ROBO2: variants seen among roughly 807,000 people sequenced by gnomAD.
ROBO2 encodes the protein roundabout homolog 2.
Under a neutral mutation model 160.8 loss-of-function variants are expected in ROBO2, and 53 were observed. The ratio of observed to expected loss-of-function variants is 0.33; its 90% CI spans 0.26 to 0.41. The LOEUF (loss-of-function observed/expected upper bound fraction) is 0.41. Among genes scored for constraint, ROBO2 ranks in the 10% least tolerant of loss-of-function variants. ROBO2 has a pLI of 1.00. For missense variants in ROBO2, 1,577 were observed against 1,722.4 expected (o/e 0.92, Z 1.49); for synonymous variants, 664 against 611.7 (o/e 1.09, Z -1.26).
At chr3:76,240,387 A>G (rs542198472) in intron 2 of ROBO2, among the ~76,000 whole-genome samples, 15 of 151,658 alleles carry the variant, frequency 9.9e-5, no homozygotes, top group African/African-American at 3.1e-4. Context: ...GTGTTTGGCT[A>G]TACTTTCAAA....
At chr3:76,625,258 T>G (rs1376540791) in intron 2 of ROBO2, among the ~76,000 whole-genome samples, 3 of 10,794 alleles carry the variant, frequency 2.8e-4, no homozygotes, top group African/African-American at 5.0e-4. Flanking sequence ...AAACCACGGC[T>G]TTTTTTCATT....
At chr3:77,539,744 C>A (rs941161487) in intron 6 of ROBO2, among the ~76,000 whole-genome samples, 3 of 152,044 alleles carry the variant, frequency 2.0e-5, no homozygotes, top group Non-Finnish European at 4.4e-5. Context: ...GTAAAATCTT[C>A]AAACTGAACT....
chr3:77,529,079 G>A (rs1047721072), intron 6 of ROBO2, among the ~76,000 whole-genome samples: 1 of 151,216 alleles, frequency 6.6e-6, no homozygotes, highest in African/African-American at 2.4e-5. Context: ...TAGTTTTCAG[G>A]TTCAGAAATT....
chr3:77,411,965 C>T (rs929277951), intron 2 of ROBO2, among the ~76,000 whole-genome samples: 1 of 152,112 alleles, frequency 6.6e-6, no homozygotes, highest in Non-Finnish European at 1.5e-5. Flanking sequence ...TTTAAATTTC[C>T]ATTTTAGTGC....
chr3:76,434,244 G>A, intron 2 of ROBO2: 3 of 1,011,912 alleles, frequency 3.0e-6, no homozygotes, highest in Non-Finnish European at 4.8e-6. Context: ...TTTGACGTTG[G>A]AGCGAGCGCT....
intron 2 of ROBO2, among the ~76,000 whole-genome samples, chr3:76,228,559 A>G (rs1282304508): frequency 6.6e-6 from 1 of 152,192 alleles, no homozygotes; most frequent in African/African-American, 2.4e-5. Flanking sequence ...GAATGAATTC[A>G]TATTCATAAA....
intron 2 of ROBO2, among the ~76,000 whole-genome samples, chr3:76,965,781 TTG>T (rs1360013353): frequency 2.4e-5 from 2 of 84,096 alleles, no homozygotes; most frequent in Admixed American, 1.3e-4. Flanking sequence ...TTTATTGTGT[TTG>T]TGTATATATA....
chr3:77,635,070 TC>T, intron 24 of ROBO2, 27 bp downstream of exon 25: 1 of 1,611,684 alleles, frequency 6.2e-7, no homozygotes, highest in Non-Finnish European at 8.5e-7. Flanking sequence ...TACTCTTGTT[TC>T]CTCGCTGAAG....
intron 2 of ROBO2, among the ~76,000 whole-genome samples, chr3:77,274,485 A>G (rs552332441): frequency 6.6e-6 from 1 of 152,134 alleles, no homozygotes; most frequent in Non-Finnish European, 1.5e-5. Context: ...GTTGAGTAAC[A>G]ACTTTATTTG....
At chr3:77,506,836 C>T (rs909460699) in intron 5 of ROBO2, among the ~76,000 whole-genome samples, 2 of 151,824 alleles carry the variant, frequency 1.3e-5, no homozygotes, top group African/African-American at 2.4e-5. Flanking sequence ...AAATACACTT[C>T]GAAGATAATA....
At chr3:75,977,298 C>G (rs2107413984) in intron 2 of ROBO2, among the ~76,000 whole-genome samples, 1 of 151,424 alleles carries the variant, frequency 6.6e-6, no homozygotes, top group Admixed American at 6.6e-5. Flanking sequence ...AAACACATAG[C>G]TAAAAAGTAA....
At chr3:76,060,318 T>C (rs2068029156) in intron 2 of ROBO2, among the ~76,000 whole-genome samples, 1 of 152,202 alleles carries the variant, frequency 6.6e-6, no homozygotes, top group Non-Finnish European at 1.5e-5. Flanking sequence ...GAAAAAAACC[T>C]AATATGGGTA....
At chr3:77,512,140 G>T (rs952457772) in intron 5 of ROBO2, among the ~76,000 whole-genome samples, 1 of 151,780 alleles carries the variant, frequency 6.6e-6, no homozygotes, top group Non-Finnish European at 1.5e-5. Context: ...TTCGTTTTGG[G>T]GTCTTAGACC....
chr3:76,169,190 T>TC (rs2072945104), intron 2 of ROBO2, among the ~76,000 whole-genome samples: 1 of 152,170 alleles, frequency 6.6e-6, no homozygotes, highest in African/African-American at 2.4e-5. Context: ...CATTTCTTCT[T>TC]CCCACTTTAT....
chr3:76,294,909 G>C (rs1279727911), intron 2 of ROBO2, among the ~76,000 whole-genome samples: 3 of 152,154 alleles, frequency 2.0e-5, no homozygotes, highest in African/African-American at 7.2e-5. Flanking sequence ...GTCTCCAAAT[G>C]AGTGATTGTG....
At chr3:77,639,977 G>A (rs1429086385) in intron 24 of ROBO2, among the ~76,000 whole-genome samples, 2 of 152,098 alleles carry the variant, frequency 1.3e-5, no homozygotes, top group East Asian at 1.9e-4. Context: ...TAGAGCTAAC[G>A]GGAGTTGTTA....
At position 77,279,103 on chromosome 3, in the gene ROBO2, G is replaced by A. The variant is rs563390255; in HGVS notation, c.388+180763G>A. On this transcript the variant is annotated intron_variant, in intron 2 of 25. Transcript: ENST00000461745. ...ATTTGTTGTTGTGAGATGTGTTAAGGGTAATTAAATAGCCTTCTAAGAAAA... is the reference window on the plus strand; with the variant it reads ...ATTTGTTGTTGTGAGATGTGTTAAGAGTAATTAAATAGCCTTCTAAGAAAA... Among the ~76,000 whole-genome samples the A allele has an allele frequency of 5.3e-5, 8 of 151,976 alleles. No homozygotes were observed. The South Asian group carries it at 1.5e-3, about 28-fold the overall frequency.
intron 2 of ROBO2, among the ~76,000 whole-genome samples, chr3:76,091,724 G>A (rs535871792): frequency 2.0e-5 from 3 of 152,202 alleles, no homozygotes; most frequent in South Asian, 2.1e-4. Flanking sequence ...GTACTTCCAG[G>A]CAATGGAATA....
At chr3:77,529,427 C>T (rs543955165) in intron 6 of ROBO2, among the ~76,000 whole-genome samples, 2 of 151,690 alleles carry the variant, frequency 1.3e-5, no homozygotes, top group South Asian at 4.2e-4. Flanking sequence ...AGCAGTTGTA[C>T]TTATAAGCTA....
Sources: gnomAD v4.1 joint callset for allele counts (sites outside exome capture counted in the v4.1 genomes callset) on GRCh38, gnomAD v4.1.1 for gene constraint, MANE v1.5 for transcripts, NCBI Gene and HGNC (gene_info 2026-07-23, HGNC 2026-07-21) for gene names.